TMLHE: variants seen among roughly 807,000 people sequenced by gnomAD.
TMLHE encodes trimethyllysine hydroxylase, epsilon.
A neutral mutation model predicts 25.7 loss-of-function variants in TMLHE; 18 were observed. The ratio of observed to expected loss-of-function variants is 0.70; its 90% CI spans 0.48 to 1.04. The LOEUF (loss-of-function observed/expected upper bound fraction) is 1.04. Ranked by LOEUF, TMLHE falls within the 50% of genes least tolerant of loss-of-function variation. The pLI is 0.00. For missense variants in TMLHE, 236 were observed against 259.0 expected (o/e 0.91, Z 0.61); for synonymous variants, 105 against 97.0 (o/e 1.08, Z -0.49).
At chrX:155,547,974 C>T (rs1163423435) in intron 1 of TMLHE, among the ~76,000 whole-genome samples, 3 of 111,205 alleles carry the variant, frequency 2.7e-5, no homozygotes, top group Non-Finnish European at 3.8e-5. Flanking sequence ...CCCCCATTTC[C>T]CATAATCTCA....
Position 155,563,190 on chromosome X carries a change from T to C in TMLHE, c.-1-17913A>G, listed in dbSNP as rs1479136783. 3.2e-5 allele frequency among the ~76,000 whole-genome samples: 2 copies of C among 62,762 alleles called. 1 individual carries two copies. Among genetic ancestry groups the C allele is most frequent in the East Asian group, 1.4e-3 (2 of 1,427 alleles). The allele number at this position is 62,762 out of a possible 115,157, so 54.5% of individuals were successfully genotyped here. Reference sequence around the variant, plus strand: ...TAAAGAACTACCTGAGACTGGGTGATTTGTAAAACAAAGAGGTTTAATTGA... The same window carrying C: ...TAAAGAACTACCTGAGACTGGGTGACTTGTAAAACAAAGAGGTTTAATTGA... On this transcript the variant is annotated intron_variant, in intron 1 of 7. Transcript: ENST00000334398.
intron 1 of TMLHE, among the ~76,000 whole-genome samples, chrX:155,590,840 A>G (rs1191594031): frequency 2.7e-5 from 3 of 111,900 alleles, no homozygotes; most frequent in East Asian, 2.8e-4. Context: ...GCAGGCAGAA[A>G]TTGAAACAGA....
chrX:155,533,510 G>A (rs1230155696), intron 2 of TMLHE, among the ~76,000 whole-genome samples: 1 of 111,448 alleles, frequency 9.0e-6, no homozygotes, highest in Non-Finnish European at 1.9e-5. Context: ...AATTGTGGAA[G>A]CAGCTTTGGA....
intron 1 of TMLHE, among the ~76,000 whole-genome samples, chrX:155,548,168 C>T (rs1400246667): frequency 1.8e-5 from 2 of 111,912 alleles, no homozygotes; most frequent in Non-Finnish European, 3.8e-5. Context: ...GGGAAACATA[C>T]CAGGACGTTG....
chrX:155,541,653 C>T (rs995599619), intron 2 of TMLHE, among the ~76,000 whole-genome samples: 2 of 111,859 alleles, frequency 1.8e-5, no homozygotes, highest in South Asian at 7.4e-4. Flanking sequence ...CTAATTTACA[C>T]TCCCACCAAC....
intron 5 of TMLHE, among the ~76,000 whole-genome samples, chrX:155,510,863 C>A: frequency 1.9e-5 from 2 of 105,368 alleles, no homozygotes; most frequent in Middle Eastern, 4.8e-3. Flanking sequence ...TACAGTCCCA[C>A]CAACAGTGTA....
At chrX:155,594,004 G>A (rs1365136866) in intron 1 of TMLHE, among the ~76,000 whole-genome samples, 1 of 111,127 alleles carries the variant, frequency 9.0e-6, no homozygotes, top group Admixed American at 9.6e-5. Context: ...GAGAGGAAAA[G>A]AGCCAGAAAG....
rs782642019 is a variant in TMLHE at position 155,524,485 on chromosome X, C to T, written c.329G>A (p.Arg110His). Reference protein sequence around the residue: ...VDLCIKPKTIRLDETTLFFTW... With the variant: ...VDLCIKPKTIHLDETTLFFTW... ...GAAAAAGAGTGTGGTCTCATCCAGA[C>T]GAATGGTCTTTGGCTTGATACATAA... The change falls in exon 3 of 8, where the codon CGT becomes CAT. Residue 110 changes from arginine (R) to histidine (H), a missense_variant. Physicochemically the swap from Arg to His is conservative, Grantham distance 29. Around this residue, in one of 2 missense-constraint regions of TMLHE, gnomAD observed 217 missense variants for 214.6 expected, o/e 1.01. Transcript: ENST00000334398. 1.5e-5 allele frequency: 18 copies of T among 1,200,670 alleles called. No homozygotes were observed. The highest frequency in any genetic ancestry group is 2.3e-4 in the Middle Eastern group (1 of 4,326).
intron 6 of TMLHE, among the ~76,000 whole-genome samples, chrX:155,506,654 C>T (rs2067077824): frequency 9.0e-6 from 1 of 111,172 alleles, no homozygotes; most frequent in Admixed American, 9.6e-5. Context: ...ATAATGTTTT[C>T]ATTTAAAAAA....
At chrX:155,548,429 C>T (rs782091704) in intron 1 of TMLHE, among the ~76,000 whole-genome samples, 4 of 111,381 alleles carry the variant, frequency 3.6e-5, no homozygotes, top group Non-Finnish European at 5.7e-5. Context: ...GTATTAATAT[C>T]AAGAATATTT....
At chrX:155,534,629 G>T (rs2067267943) in intron 2 of TMLHE, among the ~76,000 whole-genome samples, 1 of 111,575 alleles carries the variant, frequency 9.0e-6, no homozygotes, top group Admixed American at 9.6e-5. Context: ...CACAGGAGAA[G>T]AAATTTTGCC....
At chrX:155,512,520 A>G in intron 4 of TMLHE, among the ~76,000 whole-genome samples, 1 of 110,822 alleles carries the variant, frequency 9.0e-6, no homozygotes, top group Admixed American at 9.6e-5. Flanking sequence ...ATGGCTGCAT[A>G]GTATTCCATG....
intron 2 of TMLHE, among the ~76,000 whole-genome samples, chrX:155,537,915 A>C (rs922215884): frequency 8.9e-6 from 1 of 111,845 alleles, no homozygotes; most frequent in Non-Finnish European, 1.9e-5. Context: ...GTATATATAC[A>C]TTTTGGAATG....
rs368401469 is a variant in TMLHE at position 155,573,672 on chromosome X, C to T, written c.-1-28395G>A. 1.3e-4 allele frequency among the ~76,000 whole-genome samples: 7 copies of T among 54,953 alleles called. 2 individuals are homozygous for T. Among genetic ancestry groups the T allele is most frequent in the Admixed American group, 4.3e-4 (2 of 4,598 alleles). 47.7% of individuals were successfully genotyped at this position (54,953 alleles called of 115,157 possible). ...GCAGCCATAAAAAATGATGAGTTCA[C>T]GTCCTTTGTAGGGACATGGATGAAA... On this transcript the variant is annotated intron_variant, in intron 1 of 7. Coordinates refer to ENST00000334398, the MANE Select transcript of TMLHE (RefSeq NM_018196.4).
At chrX:155,609,928 T>C (rs1472815230) in intron 1 of TMLHE, among the ~76,000 whole-genome samples, 3 of 112,017 alleles carry the variant, frequency 2.7e-5, no homozygotes, top group Non-Finnish European at 3.8e-5. Flanking sequence ...TTGCTGGTGG[T>C]TCATATAAAT....
At chrX:155,531,589 G>C (rs1274403123) in intron 2 of TMLHE, among the ~76,000 whole-genome samples, 1 of 111,806 alleles carries the variant, frequency 8.9e-6, no homozygotes, top group Non-Finnish European at 1.9e-5. Context: ...AGATTTGGAG[G>C]AGACAAACAT....
At chrX:155,523,327 C>T (rs1270863724) in intron 3 of TMLHE, among the ~76,000 whole-genome samples, 1 of 110,955 alleles carries the variant, frequency 9.0e-6, no homozygotes, top group Non-Finnish European at 1.9e-5. Context: ...CCGCAATCTA[C>T]TATGATTTTT....
At chrX:155,611,126 CAGA>C (rs782480081) in intron 1 of TMLHE, among the ~76,000 whole-genome samples, 147 of 111,595 alleles carry the variant, frequency 1.3e-3, no homozygotes, top group African/African-American at 4.7e-3. Flanking sequence ...TTTCCTCATC[CAGA>C]AGAACACTCA....
intron 1 of TMLHE, among the ~76,000 whole-genome samples, chrX:155,589,128 A>G (rs1399377408): frequency 4.5e-5 from 5 of 112,140 alleles, no homozygotes; most frequent in Admixed American, 1.9e-4. Flanking sequence ...GTATATATAC[A>G]TAATGGAATA....
Sources: gnomAD v4.1 joint callset for allele counts (sites outside exome capture counted in the v4.1 genomes callset) on GRCh38, gnomAD v4.1.1 for gene constraint, gnomAD v4.1.1 regional missense constraint, MANE v1.5 for transcripts, NCBI Gene and HGNC (gene_info 2026-07-23, HGNC 2026-07-21) for gene names.